Variants in RFTN2 observed in about 807,000 individuals in gnomAD.
RFTN2 encodes raftlin family member 2, also known as raftlin-2.
In RFTN2, 34 loss-of-function variants were observed where a neutral mutation model predicts 52.7. That is an observed-to-expected ratio of 0.64 (90% CI 0.49 to 0.86). The LOEUF (loss-of-function observed/expected upper bound fraction) is 0.86, where lower values mean the gene tolerates loss of function less well. Ranked by LOEUF, RFTN2 falls within the 40% of genes least tolerant of loss-of-function variation. The pLI is 0.00. For missense variants in RFTN2, 536 were observed against 600.1 expected (o/e 0.89, Z 1.12); for synonymous variants, 203 against 217.7 (o/e 0.93, Z 0.59).
In RFTN2 at chr2:197,571,833, T is replaced by C; in HGVS notation, c.*175A>G. On this transcript the variant is annotated 3_prime_UTR_variant, in exon 9 of 9. Transcript: ENST00000295049. ...CATGATTCTAAATGTATAAATATGT[T>C]GGTTATTCTTCCTTGTCTGGGAGGT... 1 of 610,166 alleles carries C rather than the reference T, an allele frequency of 1.6e-6. No homozygotes were observed. Among genetic ancestry groups the C allele is most frequent in the South Asian group, 2.1e-5 (1 of 48,650 alleles). 37.8% of individuals were successfully genotyped at this position (610,166 alleles called of 1,614,324 possible).
intron 8 of RFTN2, among the ~76,000 whole-genome samples, chr2:197,591,001 C>T (rs1014355900): frequency 1.3e-5 from 2 of 152,178 alleles, no homozygotes; most frequent in African/African-American, 4.8e-5. Flanking sequence ...CTTATCTGGC[C>T]CCACCCACAT....
intron 1 of RFTN2, among the ~76,000 whole-genome samples, chr2:197,649,918 A>G (rs1559364097): frequency 6.6e-6 from 1 of 152,330 alleles, no homozygotes; most frequent in South Asian, 2.1e-4. Context: ...CTCAGCAGTT[A>G]GTAATTAATT....
intron 5 of RFTN2, among the ~76,000 whole-genome samples, chr2:197,620,833 G>T (rs1229662186): frequency 6.6e-6 from 1 of 152,186 alleles, no homozygotes; most frequent in African/African-American, 2.4e-5. Context: ...GGGCATGGTG[G>T]CGCATGCCTG....
chr2:197,657,565 G>C lies in RFTN2; in HGVS notation c.140-10899C>G, dbSNP rs549103078. Among the ~76,000 whole-genome samples, 11 of 152,270 alleles carry C rather than the reference G, an allele frequency of 7.2e-5. No individual in the cohort carries two copies. In the South Asian group the frequency reaches 1.2e-3, roughly 17 times the overall value. ...AAACTGAAGCAGGTTTGAATACCTAGCAAGTTCCTAACAGCCCTCCAATCT... is the reference window on the plus strand; with the variant it reads ...AAACTGAAGCAGGTTTGAATACCTACCAAGTTCCTAACAGCCCTCCAATCT... On this transcript the variant is annotated intron_variant, in intron 1 of 8. Transcript: ENST00000295049.
At position 197,587,916 on chromosome 2, in the gene RFTN2, C is replaced by T. The variant is rs187252769; in HGVS notation, c.1233+8075G>A. ...GTCCCCTTATTCTACAGAGGTGGGGCCCAGACCCAGAAAGAAAACAGGATT... is the reference window on the plus strand; with the variant it reads ...GTCCCCTTATTCTACAGAGGTGGGGTCCAGACCCAGAAAGAAAACAGGATT... On this transcript the variant is annotated intron_variant, in intron 8 of 8. Transcript: ENST00000295049. The T allele has an allele frequency of 1.6e-4, 71 of 456,938 alleles. No homozygotes were observed. The East Asian group carries it at 4.6e-3, about 30-fold the overall frequency. The allele number at this position is 456,938 out of a possible 1,614,324, so 28.3% of individuals were successfully genotyped here.
intron 1 of RFTN2, among the ~76,000 whole-genome samples, chr2:197,655,917 C>A (rs1163960853): frequency 6.6e-6 from 1 of 152,186 alleles, no homozygotes; most frequent in Non-Finnish European, 1.5e-5. Flanking sequence ...ATCTGGAGGT[C>A]AATGTCTTTT....
chr2:197,580,485 G>A (rs1032795918), intron 8 of RFTN2, among the ~76,000 whole-genome samples: 9 of 152,128 alleles, frequency 5.9e-5, no homozygotes, highest in Admixed American at 2.0e-4. Context: ...ACTGGAAATC[G>A]GACTGTCCAA....
At chr2:197,639,115 A>C (rs1362531713) in intron 3 of RFTN2, among the ~76,000 whole-genome samples, 4 of 143,474 alleles carry the variant, frequency 2.8e-5, no homozygotes, top group Non-Finnish European at 6.1e-5. Context: ...ATCCGCTGTT[A>C]GTCTGATGGG....
At chr2:197,597,343 G>A (rs1048439383) in intron 7 of RFTN2, among the ~76,000 whole-genome samples, 5 of 152,136 alleles carry the variant, frequency 3.3e-5, no homozygotes, top group African/African-American at 9.7e-5. Context: ...TGGTACACGG[G>A]CGGGATTAGC....
At chr2:197,585,972 C>T (rs936043032) in intron 8 of RFTN2, among the ~76,000 whole-genome samples, 15 of 152,194 alleles carry the variant, frequency 9.9e-5, no homozygotes, top group African/African-American at 3.4e-4. Flanking sequence ...AGCAAAGACC[C>T]ACTGGAATTC....
rs781652549 is a variant in RFTN2 at position 197,644,311 on chromosome 2, T to G, written c.324-39A>C. 4 of 1,141,798 alleles carry G rather than the reference T, an allele frequency of 3.5e-6. No individual in the cohort carries two copies. In the South Asian group the frequency reaches 5.0e-5, roughly 14 times the overall value. 70.7% of individuals were successfully genotyped at this position (1,141,798 alleles called of 1,614,324 possible). Reference sequence around the variant, plus strand: ...AATATGTTTATGGTTGGAGGCCAATTGCTGCTTTTCAGCTAATATGCTCAT... The same window carrying G: ...AATATGTTTATGGTTGGAGGCCAATGGCTGCTTTTCAGCTAATATGCTCAT... On this transcript the variant is annotated intron_variant, in intron 2 of 8. Transcript: ENST00000295049.
At chr2:197,573,269 TA>T (rs1390650186) in intron 8 of RFTN2, among the ~76,000 whole-genome samples, 3 of 152,184 alleles carry the variant, frequency 2.0e-5, no homozygotes, top group Non-Finnish European at 4.4e-5. Flanking sequence ...TCGAAATGCT[TA>T]TAGTGATATG....
At position 197,649,854 on chromosome 2, in the gene RFTN2, A is replaced by G. The variant is rs2088801157; in HGVS notation, c.140-3188T>C. On this transcript the variant is annotated intron_variant, in intron 1 of 8. Coordinates refer to ENST00000295049, the MANE Select transcript of RFTN2 (RefSeq NM_144629.3). Reference sequence around the variant, plus strand: ...AGTTCAAAGAGGCACTTAAGTTGCTACTACATATAGATTATTTGAAAGTAT... The same window carrying G: ...AGTTCAAAGAGGCACTTAAGTTGCTGCTACATATAGATTATTTGAAAGTAT... Among the ~76,000 whole-genome samples, 4 of 152,336 alleles carry G rather than the reference A, an allele frequency of 2.6e-5. No homozygotes were observed. In the South Asian group the frequency reaches 6.2e-4, roughly 24 times the overall value.
intron 3 of RFTN2, among the ~76,000 whole-genome samples, chr2:197,640,977 A>G (rs1197240608): frequency 5.9e-5 from 9 of 152,176 alleles, no homozygotes; most frequent in African/African-American, 9.7e-5. Context: ...AGTGTTTTCT[A>G]CTCATAGGTG....
At chr2:197,609,240 C>T (rs2088015343) in intron 7 of RFTN2, among the ~76,000 whole-genome samples, 1 of 152,194 alleles carries the variant, frequency 6.6e-6, no homozygotes, top group Non-Finnish European at 1.5e-5. Context: ...CTAATTTACA[C>T]TCCCACCAAC....
chr2:197,617,877 C>T lies in RFTN2; in HGVS notation c.973G>A (p.Glu325Lys). The T allele has an allele frequency of 6.2e-7, 1 of 1,609,832 alleles. No homozygotes were observed. The highest frequency in any genetic ancestry group is 8.5e-7 in the Non-Finnish European group (1 of 1,177,136). The change falls in exon 6 of 9, where the codon GAA becomes AAA. Residue 325 changes from glutamate to lysine, a missense_variant. Physicochemically the swap from Glu to Lys is moderately conservative, Grantham distance 56 (BLOSUM62 1). Coordinates refer to ENST00000295049, the MANE Select transcript of RFTN2 (RefSeq NM_144629.3). ...KSLEGFFIYE[E>K]EGSGVPGSSR... is the part of the protein sequence containing the mutation. The stretch of plus-strand genomic sequence containing the variant: ...GAACCTGGAACTCCAGAACCTTCTT[C>T]TTCATAGATAAAAAATCCTTCCAAA...
chr2:197,663,413 A>G (rs1379514709), intron 1 of RFTN2, among the ~76,000 whole-genome samples: 2 of 152,192 alleles, frequency 1.3e-5, no homozygotes, highest in South Asian at 2.1e-4. Context: ...TATGTTTGGT[A>G]GAATGTGGTA....
rs183274226 is a variant in RFTN2 at position 197,669,707 on chromosome 2, G to T, written c.139+5613C>A. Among the ~76,000 whole-genome samples, 4 of 152,296 alleles carry T rather than the reference G, an allele frequency of 2.6e-5. No homozygotes were observed. In the East Asian group the frequency reaches 7.7e-4, roughly 29 times the overall value. On this transcript the variant is annotated intron_variant, in intron 1 of 8. Coordinates refer to ENST00000295049, the MANE Select transcript of RFTN2 (RefSeq NM_144629.3). The stretch of plus-strand genomic sequence containing the variant: ...ATGCCGTTGCTAATTAGGCAGTAAT[G>T]CTCACTGGCCTGCTGCTCACCTCTG...
chr2:197,669,253 A>AT (rs1286243060), intron 1 of RFTN2, among the ~76,000 whole-genome samples: 2 of 152,132 alleles, frequency 1.3e-5, no homozygotes, highest in Admixed American at 1.3e-4. Flanking sequence ...AATATGCTAC[A>AT]TTCCTACCAT....
Sources: gnomAD v4.1 joint callset for allele counts (sites outside exome capture counted in the v4.1 genomes callset) on GRCh38, gnomAD v4.1.1 for gene constraint, MANE v1.5 for transcripts, NCBI Gene and HGNC (gene_info 2026-07-23, HGNC 2026-07-21) for gene names.